The following PMFBP1 variants were observed in gnomAD, a reference collection of about 807,000 sequenced individuals.
The protein encoded by PMFBP1 is polyamine modulated factor 1 binding protein 1, also known as polyamine-modulated factor 1-binding protein 1.
PMFBP1 carries 131 observed loss-of-function variants against 137.8 expected under a neutral mutation model. The observed-to-expected ratio is 0.95, with a 90% CI of 0.82 to 1.10. The LOEUF (loss-of-function observed/expected upper bound fraction) is 1.10, where lower values mean the gene tolerates loss of function less well. Ranked by LOEUF, PMFBP1 falls within the 50% of genes least tolerant of loss-of-function variation. PMFBP1 has a pLI of 0.00. For missense variants in PMFBP1, 1,199 were observed against 1,175.4 expected, an observed-to-expected ratio of 1.02 and a Z score of -0.29; for synonymous variants, 490 against 450.4, an observed-to-expected ratio of 1.09 and a Z score of -1.11.
the PMFBP1 span, among the ~76,000 whole-genome samples, chr16:72,227,748 T>C: frequency 6.6e-6 from 1 of 152,134 alleles, no homozygotes; most frequent in Admixed American, 6.5e-5. Flanking sequence ...CTACTAATCC[T>C]CATTAAGCCT....
chr16:72,174,685 C>G (rs563014036), upstream of PMFBP1, among the ~76,000 whole-genome samples: 3 of 152,190 alleles, frequency 2.0e-5, no homozygotes, highest in Non-Finnish European at 2.9e-5. Flanking sequence ...GCAGACAGCA[C>G]CTCTTCACAA....
chr16:72,225,573 T>C, the PMFBP1 span, among the ~76,000 whole-genome samples: 1 of 151,654 alleles, frequency 6.6e-6, no homozygotes, highest in Non-Finnish European at 1.5e-5. Flanking sequence ...ACTAGCCAGG[T>C]GTGGTGGTGC....
chr16:72,236,711 G>C, the PMFBP1 span, among the ~76,000 whole-genome samples: 1 of 152,164 alleles, frequency 6.6e-6, no homozygotes, highest in Non-Finnish European at 1.5e-5. Flanking sequence ...GTAAGCTTCT[G>C]CTGGCAAGTT....
chr16:72,239,016 A>T, the PMFBP1 span, among the ~76,000 whole-genome samples: 2 of 152,200 alleles, frequency 1.3e-5, no homozygotes, highest in Non-Finnish European at 2.9e-5. Flanking sequence ...ATACCCAAAA[A>T]AACAAAAAAA....
chr16:72,249,296 A>C, the PMFBP1 span, among the ~76,000 whole-genome samples: 2 of 152,086 alleles, frequency 1.3e-5, no homozygotes, highest in African/African-American at 2.4e-5. Context: ...TAATATATTA[A>C]AAAATAAAAA....
the PMFBP1 span, among the ~76,000 whole-genome samples, chr16:72,191,718 G>C: frequency 6.6e-6 from 1 of 152,092 alleles, no homozygotes; most frequent in African/African-American, 2.4e-5. Context: ...CCAGCAGGGA[G>C]GAGTTCTCCT....
At chr16:72,125,173 G>C in intron 16 of PMFBP1, 65 bp downstream of exon 16, 3 of 1,549,642 alleles carry the variant, frequency 1.9e-6, no homozygotes, top group Non-Finnish European at 2.6e-6. Flanking sequence ...AATAATTCTG[G>C]ATGCAAGAGG....
At chr16:72,195,583 T>C in the PMFBP1 span, among the ~76,000 whole-genome samples, 1 of 152,238 alleles carries the variant, frequency 6.6e-6, no homozygotes, top group South Asian at 2.1e-4. Flanking sequence ...ACTCAAATGC[T>C]ACATAGTCAC....
At chr16:72,150,990 C>G (rs1422915183) in intron 4 of PMFBP1, among the ~76,000 whole-genome samples, 161 bp from the exon 5 acceptor site, 4 of 152,152 alleles carry the variant, frequency 2.6e-5, no homozygotes, top group African/African-American at 9.7e-5. Flanking sequence ...TATGTAATAT[C>G]AAGATGCTAA....
chr16:72,128,421 A>G (rs1597461717), intron 14 of PMFBP1: 2 of 1,469,422 alleles, frequency 1.4e-6, no homozygotes, highest in African/African-American at 1.4e-5. Context: ...CCAAAGCCCA[A>G]ATAGCTTGGG....
chr16:72,135,285 C>T (rs955398930), intron 9 of PMFBP1, among the ~76,000 whole-genome samples: 5 of 152,088 alleles, frequency 3.3e-5, no homozygotes, highest in Non-Finnish European at 7.3e-5. Flanking sequence ...AAGCCATTCT[C>T]CTGCCTCAGC....
chr16:72,121,666 C>T (rs1279201902), intron 19 of PMFBP1, among the ~76,000 whole-genome samples: 1 of 152,166 alleles, frequency 6.6e-6, no homozygotes, highest in Non-Finnish European at 1.5e-5. Context: ...ATTCTGTCAC[C>T]CAGGCCAGAG....
Position 72,120,458 on chromosome 16 carries a change from T to C in PMFBP1, c.2769-369A>G, listed in dbSNP as rs34537383. Among the ~76,000 whole-genome samples, 375 of 152,322 alleles carry C rather than the reference T, an allele frequency of 2.5e-3. 1 individual carries two copies. The highest frequency in any genetic ancestry group is 3.6e-3 in the Non-Finnish European group (246 of 68,020). On this transcript the variant is annotated intron_variant, in intron 19 of 20. Coordinates refer to ENST00000237353, the MANE Select transcript of PMFBP1 (RefSeq NM_031293.3). ...GAGCCAGAAGGCTGGTAGGGACAAC[T>C]GTGATCATGTGTCCTCGGGTTCTCA...
At chr16:72,117,124 T>C (rs2042316325), downstream of PMFBP1, among the ~76,000 whole-genome samples, 1 of 152,010 alleles carries the variant, frequency 6.6e-6, no homozygotes, top group South Asian at 2.1e-4. Flanking sequence ...TAATATTAAG[T>C]CTTTCAATCC....
chr16:72,128,415 A>C, intron 14 of PMFBP1: 1 of 1,453,334 alleles, frequency 6.9e-7, no homozygotes, highest in Non-Finnish European at 9.0e-7. Flanking sequence ...TTGATGCCAA[A>C]GCCCAAATAG....
Position 72,123,496 on chromosome 16 carries a change from G to A in PMFBP1, c.2693+50C>T, listed in dbSNP as rs372114535. On this transcript the variant is annotated intron_variant, in intron 18 of 20. Coordinates refer to ENST00000237353, the MANE Select transcript of PMFBP1 (RefSeq NM_031293.3). ...ATCTTTGGCACGCATGTGGCTCCTC[G>A]GCTCAGTCCAGGCCTCGGACCCTGC... is the stretch of plus-strand genomic sequence containing the variant. 14 of 1,544,706 alleles carry A rather than the reference G, an allele frequency of 9.1e-6. 1 individual carries two copies. The highest frequency in any genetic ancestry group is 2.3e-5 in the East Asian group (1 of 44,276).
chr16:72,184,662 T>A, the PMFBP1 span, among the ~76,000 whole-genome samples: 3 of 152,244 alleles, frequency 2.0e-5, no homozygotes, highest in Non-Finnish European at 4.4e-5. Context: ...AGCCCAACTC[T>A]GGAATTTGTT....
At chr16:72,243,893 A>G in the PMFBP1 span, among the ~76,000 whole-genome samples, 1 of 152,218 alleles carries the variant, frequency 6.6e-6, no homozygotes, top group Admixed American at 6.5e-5. Context: ...AGAGGGACTG[A>G]CCTGCACGAG....
At position 72,130,353 on chromosome 16, in the gene PMFBP1, G is replaced by A. The variant is rs374886695; in HGVS notation, c.1642C>T (p.Arg548Trp). ...AEKEQTSNRK[R>W]VEELSLELSE... ...AGTTCTAATGACAGCTCCTCCACCC[G>A]TTTTCTAAAGCAAAATAACAGCCAC... The change falls in exon 12 of 21, where the codon CGG becomes TGG. Residue 548 changes from arginine to tryptophan, a missense_variant. By Grantham distance (101) the Arg-to-Trp change is moderately radical (BLOSUM62 -3). Transcript: ENST00000237353. The A allele has an allele frequency of 2.6e-5, 42 of 1,613,966 alleles. No individual in the cohort carries two copies. The highest frequency in any genetic ancestry group is 3.1e-5 in the Non-Finnish European group (36 of 1,180,018).
Sources: allele counts gnomAD v4.1 joint callset (sites outside exome capture counted in the v4.1 genomes callset), GRCh38; gene constraint gnomAD v4.1.1; transcripts MANE v1.5; gene names NCBI Gene and HGNC (gene_info 2026-07-23, HGNC 2026-07-21).